Variants in COL4A3 observed in about 807,000 individuals in gnomAD.
The protein encoded by COL4A3 is collagen type IV alpha 3 chain, also known as collagen alpha-3(IV) chain.
A neutral mutation model predicts 217.4 loss-of-function variants in COL4A3; 135 were observed. The observed-to-expected ratio is 0.62, with a 90% confidence interval of 0.54 to 0.72. The LOEUF is 0.72. Among genes scored for constraint, COL4A3 ranks in the 30% least tolerant of loss-of-function variants. The pLI is 0.00. For missense variants in COL4A3, 1,868 were observed against 2,119.9 expected (o/e 0.88, Z 2.33); for synonymous variants, 690 against 736.3 (o/e 0.94, Z 1.02).
At chr2:227,259,700 T>C (rs1041043294) in intron 18 of COL4A3, 93 bp from the exon 19 acceptor site, 13 of 939,354 alleles carry the variant, frequency 1.4e-5, no homozygotes, top group Non-Finnish European at 1.9e-5. Flanking sequence ...GAAGCCATCT[T>C]TGGGCCAAAA....
chr2:227,247,466 G>A, intron 7 of COL4A3, 92 bp from the exon 8 acceptor site: 2 of 1,164,428 alleles, frequency 1.7e-6, no homozygotes, highest in Non-Finnish European at 2.6e-6. Flanking sequence ...AGTGGGGAGA[G>A]GATACACAAT....
chr2:227,230,050 CAA>C (rs778888378), intron 1 of COL4A3, among the ~76,000 whole-genome samples: 21 of 68,838 alleles, frequency 3.1e-4, no homozygotes, highest in Admixed American at 1.9e-3. Context: ...GACTCCATCT[CAA>C]AAAAAAAAAA....
intron 21 of COL4A3, among the ~76,000 whole-genome samples, chr2:227,266,141 A>C (rs564252520): frequency 2.3e-4 from 35 of 152,260 alleles, no homozygotes; most frequent in African/African-American, 7.9e-4. Flanking sequence ...GAATAATTGG[A>C]AACAACTAAG....
At position 227,291,558 on chromosome 2, in the gene COL4A3, G is replaced by C. The variant is rs867569640; in HGVS notation, c.3210+672G>C. ...AACCTGGGAGACACAGCGAGACTCC[G>C]TCTCAAAAAAAAAAAAAAAAACAAA... On this transcript the variant is annotated intron_variant, in intron 37 of 51. Transcript: ENST00000396578. 1.5e-3 allele frequency among the ~76,000 whole-genome samples: 152 copies of C among 99,262 alleles called. 2 individuals carry two copies. The highest frequency in any genetic ancestry group is 6.9e-3 in the African/African-American group (139 of 20,118). The allele number at this position is 99,262 out of a possible 152,430, so 65.1% of individuals were successfully genotyped here.
At chr2:227,222,179 A>ATAAT (rs143247405) in intron 1 of COL4A3, among the ~76,000 whole-genome samples, 1 of 133,788 alleles carries the variant, frequency 7.5e-6, no homozygotes, top group African/African-American at 2.5e-5. Context: ...AATGATAATA[A>ATAAT]AAAGCTCCTT....
chr2:227,247,287 G>A (rs925142630), intron 7 of COL4A3, among the ~76,000 whole-genome samples: 4 of 152,132 alleles, frequency 2.6e-5, no homozygotes, highest in Non-Finnish European at 4.4e-5. Context: ...CCTTAGCAAG[G>A]GACAATTCCA....
At position 227,178,544 on chromosome 2, in the gene COL4A3, A is replaced by T. The variant is rs182156954; in HGVS notation, c.87+13731A>T. Among the ~76,000 whole-genome samples the T allele has an allele frequency of 1.6e-3, 238 of 146,828 alleles. 3 individuals are homozygous for T. In the East Asian group the frequency reaches 0.036, roughly 22 times the overall value. ...TGAGGTAATGTCATTATTTTATTTT[A>T]TTTTTTTTGAGACAGAGTCACTCCA... On this transcript the variant is annotated intron_variant, in intron 1 of 51. Transcript: ENST00000396578.
chr2:227,173,453 T>C (rs767285092), intron 1 of COL4A3, among the ~76,000 whole-genome samples: 4 of 152,194 alleles, frequency 2.6e-5, no homozygotes, highest in African/African-American at 9.7e-5. Flanking sequence ...CATGTCAGCC[T>C]TTCCATTCTT....
At chr2:227,192,743 G>A (rs1467028092) in intron 1 of COL4A3, among the ~76,000 whole-genome samples, 1 of 152,198 alleles carries the variant, frequency 6.6e-6, no homozygotes, top group Non-Finnish European at 1.5e-5. Context: ...CCCCTGGGGA[G>A]TGAGTGTGAA....
chr2:227,269,851 C>A, intron 23 of COL4A3, 59 bp from the exon 24 acceptor site: 1 of 1,375,520 alleles, frequency 7.3e-7, no homozygotes, highest in Non-Finnish European at 1.0e-6. Context: ...ATTGTATTAC[C>A]CTGTCTACTT....
intron 1 of COL4A3, among the ~76,000 whole-genome samples, chr2:227,231,069 G>A (rs1241719812): frequency 6.6e-6 from 1 of 152,188 alleles, no homozygotes; most frequent in Non-Finnish European, 1.5e-5. Context: ...CACTAACGCA[G>A]GCATAGAAAC....
intron 43 of COL4A3, among the ~76,000 whole-genome samples, chr2:227,300,489 C>T (rs1032619247): frequency 6.6e-6 from 1 of 152,222 alleles, no homozygotes; most frequent in African/African-American, 2.4e-5. Flanking sequence ...TATTCTCTCT[C>T]TCAACACCAC....
intron 1 of COL4A3, among the ~76,000 whole-genome samples, chr2:227,227,324 C>T (rs35873780): frequency 0.44 from 66,257 of 151,834 alleles, 14,622 homozygotes; most frequent in African/African-American, 0.48. Flanking sequence ...AGGCCGGGCA[C>T]GCTGGCTCAC....
At position 227,304,118 on chromosome 2, in the gene COL4A3, GGCCAC is replaced by G. The variant is rs987591271; in HGVS notation, c.4128_4132del (p.Pro1377ArgfsTer14). 6.2e-7 allele frequency: 1 copy of G among 1,613,984 alleles called. No individual in the cohort carries two copies. The highest frequency in any genetic ancestry group is 1.3e-5 in the African/African-American group (1 of 74,934). ...GAACCAGGGATGCAGGGAGAACCTG[GGCCAC>G]CAGGGCCACCTGGAAACCTAGGTGT... On this transcript the variant is annotated frameshift_variant, in exon 46 of 52. Transcript: ENST00000396578. LOFTEE classifies it high-confidence loss of function.
chr2:227,293,845 A>C (rs2072898976), intron 38 of COL4A3: 2 of 463,278 alleles, frequency 4.3e-6, no homozygotes, highest in Non-Finnish European at 8.9e-6. Flanking sequence ...AGTGTTTTCC[A>C]AGTGTCTGAA....
At chr2:227,246,373 C>A in intron 6 of COL4A3, 1 of 504,546 alleles carries the variant, frequency 2.0e-6, no homozygotes, top group Non-Finnish European at 3.6e-6. Context: ...TCGAACTGAG[C>A]TCTCCTTTTC....
At chr2:227,174,879 G>T (rs1251373626) in intron 1 of COL4A3, among the ~76,000 whole-genome samples, 2 of 152,190 alleles carry the variant, frequency 1.3e-5, no homozygotes, top group Non-Finnish European at 2.9e-5. Flanking sequence ...CGCTGGGCTA[G>T]GTGCTGGGAC....
At chr2:227,263,216 C>T (rs1320176921) in intron 20 of COL4A3, among the ~76,000 whole-genome samples, 1 of 152,232 alleles carries the variant, frequency 6.6e-6, no homozygotes, top group East Asian at 1.9e-4. Flanking sequence ...GGTGGCATCT[C>T]TCTTCTTAAT....
chr2:227,293,125 T>C (rs917673626), intron 37 of COL4A3, 66 bp from the exon 38 acceptor site: 2 of 1,601,338 alleles, frequency 1.2e-6, no homozygotes, highest in Admixed American at 1.7e-5. Flanking sequence ...GAATAAAGTT[T>C]ATGCTGAATT....
Sources: allele counts gnomAD v4.1 joint callset (sites outside exome capture counted in the v4.1 genomes callset), GRCh38; gene constraint gnomAD v4.1.1; transcripts MANE v1.5; gene names NCBI Gene and HGNC (gene_info 2026-07-23, HGNC 2026-07-21).